Variants in CACNA2D1 observed in about 807,000 individuals in gnomAD.
The protein encoded by CACNA2D1 is calcium voltage-gated channel auxiliary subunit alpha2delta 1.
A neutral mutation model predicts 171.5 loss-of-function variants in CACNA2D1; 53 were observed. The ratio of observed to expected loss-of-function variants is 0.31; its 90% confidence interval spans 0.25 to 0.39. The LOEUF (loss-of-function observed/expected upper bound fraction) is 0.39. Among genes scored for constraint, CACNA2D1 ranks in the 10% least tolerant of loss-of-function variants. The pLI is 1.00. For missense variants in CACNA2D1, 903 were observed against 1,299.8 expected (o/e 0.69, Z 4.69); for synonymous variants, 442 against 443.1 (o/e 1.00, Z 0.03).
chr7:82,307,110 A>G (rs1813831694), intron 3 of CACNA2D1, among the ~76,000 whole-genome samples: 1 of 152,154 alleles, frequency 6.6e-6, no homozygotes, highest in South Asian at 2.1e-4. Flanking sequence ...ATGTGGATGT[A>G]AATTCCTTAA....
chr7:81,994,017 C>G (rs1308088238), intron 20 of CACNA2D1, among the ~76,000 whole-genome samples: 1 of 151,926 alleles, frequency 6.6e-6, no homozygotes, highest in Admixed American at 6.6e-5. Flanking sequence ...AGGCCATGTG[C>G]TAATGAAGGA....
intron 1 of CACNA2D1, among the ~76,000 whole-genome samples, chr7:82,389,660 T>C (rs1020451886): frequency 1.3e-5 from 2 of 152,116 alleles, no homozygotes; most frequent in East Asian, 1.9e-4. Context: ...TGTATGACCA[T>C]AGAAATTCCC....
chr7:81,973,115 C>T (rs1239889776), intron 25 of CACNA2D1, among the ~76,000 whole-genome samples: 1 of 151,966 alleles, frequency 6.6e-6, no homozygotes, highest in African/African-American at 2.4e-5. Flanking sequence ...TTAGGAAAAA[C>T]ATTTCTGATA....
At chr7:82,246,065 G>T (rs1448317922) in intron 3 of CACNA2D1, among the ~76,000 whole-genome samples, 1 of 151,274 alleles carries the variant, frequency 6.6e-6, no homozygotes, top group East Asian at 1.9e-4. Context: ...AAATTGCTAG[G>T]TTTTTTAAAA....
chr7:82,294,044 T>C (rs138213214), intron 3 of CACNA2D1, among the ~76,000 whole-genome samples: 1 of 152,294 alleles, frequency 6.6e-6, no homozygotes, highest in East Asian at 1.9e-4. Flanking sequence ...CTCACAGATT[T>C]AAGTCTTCAT....
At chr7:82,254,191 A>T (rs1806000855) in intron 3 of CACNA2D1, among the ~76,000 whole-genome samples, 1 of 152,138 alleles carries the variant, frequency 6.6e-6, no homozygotes, top group Non-Finnish European at 1.5e-5. Context: ...TCAAAAATAA[A>T]TATAAAACAA....
At chr7:82,287,175 C>T (rs2129387951) in intron 3 of CACNA2D1, among the ~76,000 whole-genome samples, 1 of 152,068 alleles carries the variant, frequency 6.6e-6, no homozygotes, top group African/African-American at 2.4e-5. Context: ...CAGTAAGTAA[C>T]TTCAAGTCTA....
intron 1 of CACNA2D1, among the ~76,000 whole-genome samples, chr7:82,390,260 C>A (rs368885743): frequency 6.6e-6 from 1 of 152,186 alleles, no homozygotes; most frequent in Non-Finnish European, 1.5e-5. Context: ...GTGTTCAAAC[C>A]TTTGTATTTC....
intron 20 of CACNA2D1, among the ~76,000 whole-genome samples, chr7:81,992,816 T>G (rs2130758172): frequency 6.6e-6 from 1 of 152,320 alleles, no homozygotes; most frequent in African/African-American, 2.4e-5. Flanking sequence ...AAAAAGTCAT[T>G]ATTCAGTAAG....
chr7:81,978,674 G>A (rs1349193427), intron 24 of CACNA2D1, among the ~76,000 whole-genome samples: 1 of 151,258 alleles, frequency 6.6e-6, no homozygotes, highest in South Asian at 2.1e-4. Flanking sequence ...AACCACTACA[G>A]TACATGTATA....
At chr7:82,010,559 C>A (rs796728855) in intron 15 of CACNA2D1, among the ~76,000 whole-genome samples, 23 of 152,244 alleles carry the variant, frequency 1.5e-4, no homozygotes, top group African/African-American at 5.5e-4. Flanking sequence ...CTATCATACA[C>A]TGTCCTGTGA....
At chr7:82,136,723 T>A in intron 4 of CACNA2D1, 47 bp from the exon 5 acceptor site, 7 of 1,235,330 alleles carry the variant, frequency 5.7e-6, no homozygotes, top group Non-Finnish European at 8.1e-6. Flanking sequence ...AAAACAATAC[T>A]GTATCAAATA....
Position 81,967,158 on chromosome 7 carries a change from A to C in CACNA2D1, c.2502+11T>G. 1 of 1,598,170 alleles carries C rather than the reference A, an allele frequency of 6.3e-7. No homozygotes were observed. Among genetic ancestry groups the C allele is most frequent in the Non-Finnish European group, 8.6e-7 (1 of 1,167,094 alleles). ...ATTGTACTCAAAAGTGATTTTAAAT[A>C]GTTTTCTTACGTCACTGTTTCTTTT... On this transcript the variant is annotated intron_variant, in intron 31 of 38. Transcript: ENST00000356860.
rs117263833 is a variant in CACNA2D1, at chr7:82,325,251, T to C, written c.294+9884A>G. Among the ~76,000 whole-genome samples the C allele has an allele frequency of 5.2e-3, 785 of 152,278 alleles. 5 individuals are homozygous for C. The highest frequency in any genetic ancestry group is 9.0e-3 in the Non-Finnish European group (609 of 68,018). ...GAGAGCTCAGTCTAGCCTGTGGAGA[T>C]TGGATTTCAAAAATCAGGAGGCAAT... On this transcript the variant is annotated intron_variant, in intron 3 of 38. Transcript: ENST00000356860.
chr7:82,188,389 T>C (rs1465947343), intron 3 of CACNA2D1, among the ~76,000 whole-genome samples: 1 of 152,160 alleles, frequency 6.6e-6, no homozygotes, highest in African/African-American at 2.4e-5. Context: ...AGTAGTCATA[T>C]TTAAGGCATA....
At chr7:81,983,185 T>C in intron 23 of CACNA2D1, 129 bp downstream of exon 23, 2 of 774,516 alleles carry the variant, frequency 2.6e-6, no homozygotes, top group Non-Finnish European at 4.4e-6. Flanking sequence ...CTGCTAAGTT[T>C]TGAGTGATCA....
At chr7:82,314,502 A>G (rs1055218990) in intron 3 of CACNA2D1, among the ~76,000 whole-genome samples, 5 of 152,226 alleles carry the variant, frequency 3.3e-5, no homozygotes, top group Admixed American at 3.3e-4. Flanking sequence ...TTAAATATCA[A>G]CAATATGTGG....
At chr7:82,074,501 T>C (rs758321822) in intron 7 of CACNA2D1, among the ~76,000 whole-genome samples, 8 of 152,196 alleles carry the variant, frequency 5.3e-5, no homozygotes, top group Non-Finnish European at 1.2e-4. Flanking sequence ...CTGCTGGGAT[T>C]ACAGGCATGA....
chr7:82,224,361 G>A (rs977090687), intron 3 of CACNA2D1, among the ~76,000 whole-genome samples: 14 of 152,084 alleles, frequency 9.2e-5, no homozygotes, highest in African/African-American at 2.9e-4. Context: ...GCCGAGGCGG[G>A]CGGATCACAA....
Sources: gnomAD v4.1 joint callset for allele counts (sites outside exome capture counted in the v4.1 genomes callset) on GRCh38, gnomAD v4.1.1 for gene constraint, MANE v1.5 for transcripts, NCBI Gene and HGNC (gene_info 2026-07-23, HGNC 2026-07-21) for gene names.